GABRE: variants seen among roughly 807,000 people sequenced by gnomAD.
The protein encoded by GABRE is gamma-aminobutyric acid receptor subunit epsilon.
GABRE carries 20 observed loss-of-function variants against 31.0 expected under a neutral mutation model. That is an observed-to-expected ratio of 0.64 (90% confidence interval 0.45 to 0.94). The LOEUF (loss-of-function observed/expected upper bound fraction) is 0.94. GABRE is among the 40% of genes least tolerant of loss of function. The pLI, the probability that GABRE is intolerant of heterozygous loss-of-function variation, is 0.00. For missense variants in GABRE, 420 were observed against 410.7 expected, an observed-to-expected ratio of 1.02 and a Z score of -0.20; for synonymous variants, 155 against 150.6, an observed-to-expected ratio of 1.03 and a Z score of -0.21.
In GABRE at chrX:151,955,522, C is replaced by G. The variant is rs758332176; in HGVS notation, c.983G>C (p.Arg328Pro). ...ATAGGAGACACGCGGGAAATTCTTA[C>G]GAGAAAAGGTGCCCAACGTGGTCAT... ...LTMTTLGTFSRKNFPRVSYIT... is the reference protein window; with the variant it reads ...LTMTTLGTFSPKNFPRVSYIT... The change falls in exon 8 of 9, where the codon CGT becomes CCT. Residue 328 changes from arginine to proline, a missense_variant. Transcript: ENST00000370328. 5.8e-6 allele frequency: 7 copies of G among 1,211,729 alleles called. No individual in the cohort carries two copies. The highest frequency in any genetic ancestry group is 7.8e-6 in the Non-Finnish European group (7 of 895,389).
chrX:151,968,323 A>G (rs1391328939), intron 3 of GABRE, among the ~76,000 whole-genome samples: 1 of 112,291 alleles, frequency 8.9e-6, no homozygotes, highest in Non-Finnish European at 1.9e-5. Context: ...TGGATTCCTG[A>G]CCCACACGAA....
At chrX:151,974,494 T>C in intron 1 of GABRE, 76 bp downstream of exon 1, 1 of 688,880 alleles carries the variant, frequency 1.5e-6, no homozygotes, top group Non-Finnish European at 2.1e-6. Flanking sequence ...GCCGCTGGGG[T>C]CCCGGGAGCC....
intron 2 of GABRE, 178 bp from the exon 3 acceptor site, chrX:151,969,914 A>G (rs925660045): frequency 9.3e-7 from 1 of 1,075,611 alleles, no homozygotes; most frequent in Non-Finnish European, 1.2e-6. Flanking sequence ...CGGACTGTTA[A>G]GAATTGGACA....
At chrX:151,968,569 C>A (rs760024200) in intron 3 of GABRE, among the ~76,000 whole-genome samples, 92 of 111,608 alleles carry the variant, frequency 8.2e-4, no homozygotes, top group Non-Finnish European at 1.5e-3. Flanking sequence ...CTCTAACTCA[C>A]CCAGTCACAT....
chrX:151,958,188 A>G (rs1233984999), intron 6 of GABRE: 2 of 142,870 alleles, frequency 1.4e-5, no homozygotes, highest in Non-Finnish European at 2.7e-5. Flanking sequence ...CTGACCAGCA[A>G]TAATATTCCA....
At chrX:151,969,344 A>G (rs890265429) in intron 3 of GABRE, 3 of 165,760 alleles carry the variant, frequency 1.8e-5, no homozygotes, top group Non-Finnish European at 3.4e-5. Context: ...AGCAAGAGCT[A>G]GTAACTTTAG....
chrX:151,954,918 T>C lies in GABRE; in HGVS notation c.1304A>G (p.Glu435Gly), dbSNP rs1303888269. 12 of 1,208,634 alleles carry C rather than the reference T, an allele frequency of 9.9e-6. No homozygotes were observed. Among genetic ancestry groups the C allele is most frequent in the Non-Finnish European group, 1.3e-5 (12 of 894,652 alleles). Reference sequence around the variant, plus strand: ...CTTGGAGCAGAGGCTGCGGGGACCCTCAGGGCTACCTGGGCTAGGGGGCTG... The same window carrying C: ...CTTGGAGCAGAGGCTGCGGGGACCCCCAGGGCTACCTGGGCTAGGGGGCTG... ...AQQPPSPGSPEGPRSLCSKLA... is the reference protein window; with the variant it reads ...AQQPPSPGSPGGPRSLCSKLA... Residue 435 changes from glutamate (E) to glycine (G), a missense_variant, in exon 9 of 9, where the codon GAG (glutamate) becomes GGG (glycine). Glu to Gly is a moderately conservative substitution (Grantham distance 98, BLOSUM62 -2). Coordinates refer to ENST00000370328, the MANE Select transcript of GABRE (RefSeq NM_004961.4).
At position 151,955,378 on chromosome X, in the gene GABRE, T is replaced by C. The variant is rs1274346416; in HGVS notation, c.1127A>G (p.Lys376Arg). ...ATACCCAGCTCATACATGGCGGAGT[T>C]TAGGAGAAGCATGGGCTTTTGTCTG... ...YNQTKAHASP[K>R]LRHPRINSRA... The change falls in exon 8 of 9, where the codon AAA (lysine) becomes AGA (arginine). Residue 376 changes from lysine (K) to arginine (R), a missense_variant. Coordinates refer to ENST00000370328, the MANE Select transcript of GABRE (RefSeq NM_004961.4). 1 of 1,211,287 alleles carries C rather than the reference T, an allele frequency of 8.3e-7. No individual in the cohort carries two copies. Among genetic ancestry groups the C allele is most frequent in the South Asian group, 1.8e-5 (1 of 56,979 alleles).
At chrX:151,972,007 G>A (rs181287822) in intron 1 of GABRE, 84 of 741,269 alleles carry the variant, frequency 1.1e-4, no homozygotes, top group Non-Finnish European at 1.3e-4. Context: ...CACTCATGAT[G>A]TCTATGCTTT....
intron 5 of GABRE, 25 bp downstream of exon 5, chrX:151,961,258 C>T (rs1934359734): frequency 9.0e-7 from 1 of 1,112,321 alleles, no homozygotes; most frequent in South Asian, 1.9e-5. Context: ...TTTCTGGGGC[C>T]CCAGAAACTT....
intron 3 of GABRE, among the ~76,000 whole-genome samples, chrX:151,965,430 A>G (rs1383213000): frequency 9.0e-6 from 1 of 111,208 alleles, no homozygotes; most frequent in East Asian, 2.8e-4. Flanking sequence ...GTGAAGGGAG[A>G]AAAAAACCCT....
intron 3 of GABRE, among the ~76,000 whole-genome samples, chrX:151,963,419 G>A (rs1406008902): frequency 1.8e-5 from 2 of 112,600 alleles, no homozygotes; most frequent in Non-Finnish European, 3.8e-5. Context: ...TCACCAAAGT[G>A]TGATAGTACT....
Position 151,954,868 on chromosome X carries a change from G to C in GABRE, c.1354C>G (p.Arg452Gly), listed in dbSNP as rs61730044. Reference protein sequence around the residue: ...SKLACCEWCKRFKKYFCMVPD... With the variant: ...SKLACCEWCKGFKKYFCMVPD... ...ACCATGCAGAAGTACTTCTTAAAAC[G>C]CTTGCACCACTCACAGCAGGCCAGC... The change falls in exon 9 of 9, where the codon CGT becomes GGT. Residue 452 changes from arginine (R) to glycine (G), a missense_variant. Coordinates refer to ENST00000370328, the MANE Select transcript of GABRE (RefSeq NM_004961.4). The C allele has an allele frequency of 1.5e-3, 1,841 of 1,210,144 alleles. 15 individuals are homozygous for C. In the African/African-American group the frequency reaches 0.028, roughly 18 times the overall value.
At chrX:151,958,625 C>T (rs1179129039) in intron 6 of GABRE, 1 of 378,360 alleles carries the variant, frequency 2.6e-6, no homozygotes, top group Non-Finnish European at 5.3e-6. Context: ...GCACAATCAT[C>T]TACTAAACGG....
At chrX:151,966,585 C>A (rs1467884) in intron 3 of GABRE, among the ~76,000 whole-genome samples, 13,051 of 111,519 alleles carry the variant, frequency 0.12, 665 homozygotes, top group African/African-American at 0.19. Context: ...TCATGAGGAT[C>A]CAAGGAGACA....
Position 151,953,343 on chromosome X carries a change from T to A in GABRE, c.*1358A>T, listed in dbSNP as rs1262911001. ...GTCTGAGCACCTCAGGCCCAGAAAT[T>A]GAGCTAAAGAGAGGTCGCCATTCTG... On this transcript the variant is annotated 3_prime_UTR_variant, in exon 9 of 9. Transcript: ENST00000370328. 9.0e-6 allele frequency: 1 copy of A among 111,055 alleles called. No homozygotes were observed. The highest frequency in any genetic ancestry group is 3.3e-5 in the African/African-American group (1 of 30,371). The allele number at this position is 111,055 out of a possible 1,213,427, so 9.2% of individuals were successfully genotyped here.
At chrX:151,969,379 A>G (rs1008753748) in intron 3 of GABRE, 4 of 218,661 alleles carry the variant, frequency 1.8e-5, no homozygotes, top group Non-Finnish European at 3.3e-5. Flanking sequence ...AATAATTATC[A>G]GAAGAAAAGA....
intron 6 of GABRE, chrX:151,957,154 C>A (rs1934199023): frequency 6.0e-6 from 1 of 167,701 alleles, no homozygotes; most frequent in South Asian, 1.2e-4. Flanking sequence ...TCCTGTCAGG[C>A]AACAGCTTTG....
rs61740527 is a variant in GABRE, at chrX:151,955,445, C to A, written c.1060G>T (p.Ala354Ser). Residue 354 changes from alanine to serine, a missense_variant, in exon 8 of 9, where the codon GCT becomes TCT. By Grantham distance (99) the Ala-to-Ser change is moderately conservative (BLOSUM62 1). Transcript: ENST00000370328. ...IAICFVFCFC[A>S]LLEFAVLNFL... ...TTGAGCACAGCAAACTCCAACAGAG[C>A]GCAGAAGCAGAAGACGAAGCAGATG... is the stretch of plus-strand genomic sequence containing the variant. 5.8e-6 allele frequency: 7 copies of A among 1,210,153 alleles called. No homozygotes were observed. The African/African-American group carries it at 8.7e-5, about 15-fold the overall frequency.
Sources: allele counts gnomAD v4.1 joint callset (sites outside exome capture counted in the v4.1 genomes callset), GRCh38; gene constraint gnomAD v4.1.1; transcripts MANE v1.5; gene names NCBI Gene and HGNC (gene_info 2026-07-23, HGNC 2026-07-21).